Variants in AGK observed in about 807,000 individuals in gnomAD.
AGK encodes acylglycerol kinase.
Under a neutral mutation model 66.4 loss-of-function variants are expected in AGK, and 52 were observed. That is an observed-to-expected ratio of 0.78 (90% CI 0.63 to 0.99). The LOEUF is 0.99. AGK is among the 50% of genes least tolerant of loss of function. AGK has a pLI of 0.00. For missense variants in AGK, 451 were observed against 506.6 expected (o/e 0.89, Z 1.05); for synonymous variants, 182 against 181.1 (o/e 1.00, Z -0.04).
chr7:141,565,637 CAA>C (rs879711580), intron 2 of AGK, among the ~76,000 whole-genome samples: 7 of 130,314 alleles, frequency 5.4e-5, no homozygotes, highest in Admixed American at 7.8e-5. Flanking sequence ...GACTTCGTCT[CAA>C]AAAAAAAAAA....
At position 141,650,718 on chromosome 7, in the gene AGK, T is replaced by C. The variant is rs116404657; in HGVS notation, c.1047-807T>C. On this transcript the variant is annotated intron_variant, in intron 14 of 15. Transcript: ENST00000649286. The stretch of plus-strand genomic sequence containing the variant: ...ATAGTCACTCAGTCAAGGTAGATAT[T>C]GTATGCCAAGTAGACCGCGTTATAA... The C allele has an allele frequency of 4.0e-4, 389 of 978,032 alleles. 1 individual carries two copies. In the African/African-American group the frequency reaches 5.9e-3, roughly 15 times the overall value. 60.6% of individuals were successfully genotyped at this position (978,032 alleles called of 1,614,324 possible). A position where few individuals can be genotyped will look rare whatever the true frequency, so the allele number is the denominator to read the frequency against.
chr7:141,632,340 T>A (rs894942923), intron 9 of AGK, among the ~76,000 whole-genome samples: 1 of 152,198 alleles, frequency 6.6e-6, no homozygotes, highest in African/African-American at 2.4e-5. Flanking sequence ...TATTTCTAGC[T>A]CCTTTATTGT....
intron 13 of AGK, among the ~76,000 whole-genome samples, chr7:141,643,417 G>A (rs113698058): frequency 0.011 from 1,647 of 152,216 alleles, 31 homozygotes; most frequent in African/African-American, 0.037. Flanking sequence ...AGGAGGACAA[G>A]GCCTCTCTAA....
At chr7:141,592,466 T>A (rs767919465) in intron 2 of AGK, among the ~76,000 whole-genome samples, 1 of 152,196 alleles carries the variant, frequency 6.6e-6, no homozygotes, top group Non-Finnish European at 1.5e-5. Context: ...ATTGGGCCCA[T>A]CTTGGATGAT....
Position 141,555,356 on chromosome 7 carries a change from A to G in AGK, c.-14-97A>G, listed in dbSNP as rs1795185055. 2.6e-6 allele frequency: 2 copies of G among 760,168 alleles called. No individual in the cohort carries two copies. Among genetic ancestry groups the G allele is most frequent in the Non-Finnish European group, 2.0e-6 (1 of 488,862 alleles). 47.1% of individuals were successfully genotyped at this position (760,168 alleles called of 1,614,324 possible). A position where few individuals can be genotyped will look rare whatever the true frequency, so the allele number is the denominator to read the frequency against. ...GGAGTGAGTGGGAAAAAAAGGAGTG[A>G]GAGAGGATAAAAGAATGGAAGACAG... On this transcript the variant is annotated intron_variant, in intron 1 of 15. Coordinates refer to ENST00000649286, the MANE Select transcript of AGK (RefSeq NM_018238.4). The surrounding 1 kb of genome is among the most constrained non-coding windows in gnomAD (Gnocchi z 4.2).
intron 8 of AGK, among the ~76,000 whole-genome samples, chr7:141,616,843 C>A (rs550138687): frequency 6.6e-6 from 1 of 151,354 alleles, no homozygotes; most frequent in African/African-American, 2.4e-5. Context: ...ACTGCAAGCT[C>A]CGTCTCCCAG....
intron 2 of AGK, among the ~76,000 whole-genome samples, chr7:141,581,923 G>A (rs1753719601): frequency 6.6e-6 from 1 of 152,008 alleles, no homozygotes; most frequent in South Asian, 2.1e-4. Context: ...ACCCACAACA[G>A]TTATGGGGGC....
chr7:141,601,774 G>GTTGAA (rs1399665995), intron 5 of AGK, among the ~76,000 whole-genome samples: 18 of 152,208 alleles, frequency 1.2e-4, no homozygotes, highest in Admixed American at 9.8e-4. Context: ...TTTCGAAGAT[G>GTTGAA]CAGGACTCTA....
At chr7:141,581,901 T>G (rs1161527603) in intron 2 of AGK, among the ~76,000 whole-genome samples, 1 of 151,974 alleles carries the variant, frequency 6.6e-6, no homozygotes, top group Non-Finnish European at 1.5e-5. Context: ...GTTTTGAAGC[T>G]TGGCTGTCAA....
chr7:141,574,050 A>G (rs922195619), intron 2 of AGK, among the ~76,000 whole-genome samples: 4 of 152,180 alleles, frequency 2.6e-5, no homozygotes, highest in Admixed American at 2.6e-4. Flanking sequence ...GGCTGATGGC[A>G]CAAAAAGAAC....
intron 2 of AGK, among the ~76,000 whole-genome samples, chr7:141,588,503 C>T (rs918594321): frequency 1.3e-4 from 19 of 151,886 alleles, no homozygotes; most frequent in Non-Finnish European, 5.9e-5. Flanking sequence ...GTAATCCCAG[C>T]TACTTGGGAG....
intron 9 of AGK, among the ~76,000 whole-genome samples, chr7:141,630,670 T>C (rs1201789882): frequency 6.6e-6 from 1 of 152,196 alleles, no homozygotes; most frequent in Non-Finnish European, 1.5e-5. Context: ...CAGAAGCCTT[T>C]GGTGTATGAA....
intron 5 of AGK, among the ~76,000 whole-genome samples, chr7:141,607,280 G>C (rs1796485032): frequency 6.6e-6 from 1 of 152,122 alleles, no homozygotes; most frequent in Non-Finnish European, 1.5e-5. Context: ...CAGTGAACTA[G>C]AGTTCCTCTT....
intron 5 of AGK, among the ~76,000 whole-genome samples, chr7:141,602,172 CTT>C (rs1491361460): frequency 9.7e-4 from 71 of 73,492 alleles, no homozygotes; most frequent in African/African-American, 2.5e-3. Flanking sequence ...GGGAGATTTT[CTT>C]GTGTGTGTGT....
intron 3 of AGK, 104 bp from the exon 4 acceptor site, chr7:141,596,458 T>C: frequency 1.0e-6 from 1 of 962,830 alleles, no homozygotes; most frequent in South Asian, 1.4e-5. Flanking sequence ...CAAGGGTAGA[T>C]ACCTTATGTG....
chr7:141,556,536 G>C (rs1305019354), intron 2 of AGK, among the ~76,000 whole-genome samples: 1 of 141,622 alleles, frequency 7.1e-6, no homozygotes, highest in Non-Finnish European at 1.5e-5. Context: ...GTGAGACCCT[G>C]TCTCAAAAAA....
At chr7:141,601,302 T>G in intron 5 of AGK, 22 bp downstream of exon 5, 2 of 1,586,074 alleles carry the variant, frequency 1.3e-6, no homozygotes, top group Non-Finnish European at 1.7e-6. Context: ...TCCTGAATGT[T>G]TATTTCACCC....
intron 9 of AGK, among the ~76,000 whole-genome samples, chr7:141,624,194 T>C (rs370331854): frequency 3.9e-5 from 6 of 152,124 alleles, no homozygotes; most frequent in African/African-American, 1.4e-4. Flanking sequence ...TCATCCTGCA[T>C]CCCATGGATC....
intron 2 of AGK, among the ~76,000 whole-genome samples, chr7:141,591,982 C>T (rs1426036545): frequency 6.6e-6 from 1 of 152,146 alleles, no homozygotes; most frequent in East Asian, 1.9e-4. Context: ...ACAAAATTCT[C>T]CATTTATGAT....
Sources: gnomAD v4.1 joint callset for allele counts (sites outside exome capture counted in the v4.1 genomes callset) on GRCh38, gnomAD v4.1.1 for gene constraint, Gnocchi (gnomAD v3.1) non-coding constraint, MANE v1.5 for transcripts, NCBI Gene and HGNC (gene_info 2026-07-23, HGNC 2026-07-21) for gene names.